Variants in IPO9 observed in about 807,000 individuals in gnomAD.
IPO9 encodes the protein importin-9.
Under a neutral mutation model 128.6 loss-of-function variants are expected in IPO9, and 28 were observed. The ratio of observed to expected loss-of-function variants is 0.22; its 90% CI spans 0.16 to 0.30. The LOEUF is 0.30. Among genes scored for constraint, IPO9 ranks in the 10% least tolerant of loss-of-function variants. IPO9 has a pLI of 1.00. For synonymous variants in IPO9, 455 were observed against 475.8 expected, an observed-to-expected ratio of 0.96 and a Z score of 0.57; for missense variants, 935 against 1,293.9, an observed-to-expected ratio of 0.72 and a Z score of 4.26.
intron 1 of IPO9, among the ~76,000 whole-genome samples, chr1:201,837,504 C>T (rs912642564): frequency 2.0e-5 from 3 of 152,072 alleles, no homozygotes; most frequent in Non-Finnish European, 4.4e-5. Context: ...AGCTGTGAGC[C>T]TCAGTATTAC....
intron 10 of IPO9, among the ~76,000 whole-genome samples, chr1:201,856,637 G>T (rs987589966): frequency 2.0e-5 from 3 of 152,000 alleles, no homozygotes; most frequent in African/African-American, 4.8e-5. Flanking sequence ...AAAAAGAAAA[G>T]ATTTTTTTAA....
At chr1:201,873,414 C>T (rs1279536938) in intron 20 of IPO9, among the ~76,000 whole-genome samples, 1 of 128,496 alleles carries the variant, frequency 7.8e-6, no homozygotes, top group Non-Finnish European at 1.6e-5. Context: ...CACTGCATTC[C>T]AGCCTGGACA....
In IPO9 at chr1:201,876,382, T is replaced by G; in HGVS notation, c.*328T>G. 2.3e-6 allele frequency: 1 copy of G among 430,588 alleles called. No individual in the cohort carries two copies. The highest frequency in any genetic ancestry group is 2.1e-5 in the South Asian group (1 of 47,826). The allele number at this position is 430,588 out of a possible 1,614,324, so 26.7% of individuals were successfully genotyped here. A position where few individuals can be genotyped will look rare whatever the true frequency, so the allele number is the denominator to read the frequency against. On this transcript the variant is annotated 3_prime_UTR_variant, in exon 24 of 24. Transcript: ENST00000361565. ...ATTATTGCCCAGAAGGATTATGTGT[T>G]TATGGATTATTTTGCCCCGCCTCAG... is the stretch of plus-strand genomic sequence containing the variant.
chr1:201,851,570 C>G (rs1680219485), intron 4 of IPO9, among the ~76,000 whole-genome samples: 1 of 151,556 alleles, frequency 6.6e-6, no homozygotes, highest in African/African-American at 2.4e-5. Context: ...ATAGAAAATT[C>G]CCATTTGTTC....
intron 20 of IPO9, among the ~76,000 whole-genome samples, chr1:201,873,572 A>G (rs1571557709): frequency 6.9e-6 from 1 of 145,280 alleles, no homozygotes; most frequent in Non-Finnish European, 1.5e-5. Context: ...ACATAGAGAA[A>G]CCCCGTCTCT....
chr1:201,840,576 A>G (rs1002719943), intron 1 of IPO9, among the ~76,000 whole-genome samples: 2 of 152,194 alleles, frequency 1.3e-5, no homozygotes, highest in African/African-American at 2.4e-5. Context: ...TCAAAAATAC[A>G]TATTCACAAT....
chr1:201,858,893 C>T lies in IPO9; in HGVS notation c.1367C>T (p.Ser456Leu), dbSNP rs1318362947. The T allele has an allele frequency of 2.5e-6, 4 of 1,611,354 alleles. No homozygotes were observed. Among genetic ancestry groups the T allele is most frequent in the Non-Finnish European group, 8.5e-7 (1 of 1,177,906 alleles). Residue 456 changes from serine (S) to leucine (L), a missense_variant, in exon 13 of 24, where the codon TCA (serine) becomes TTA (leucine). Ser to Leu is a moderately radical substitution (Grantham distance 145). Coordinates refer to ENST00000361565, the MANE Select transcript of IPO9 (RefSeq NM_018085.5). ...IHEACMLALG[S>L]VKAIITDSVK... Reference sequence around the variant, plus strand: ...GAGGCATGCATGCTTGCCCTAGGCTCAGTGAAGGCCATCATCACTGACAGT... The same window carrying T: ...GAGGCATGCATGCTTGCCCTAGGCTTAGTGAAGGCCATCATCACTGACAGT...
At chr1:201,855,319 A>G in intron 9 of IPO9, 137 bp downstream of exon 9, 1 of 588,786 alleles carries the variant, frequency 1.7e-6, no homozygotes, top group Non-Finnish European at 3.1e-6. Context: ...TTTTCGATGT[A>G]TTCGATGTGG....
chr1:201,855,190 G>C lies in IPO9; in HGVS notation c.970+8G>C. The C allele has an allele frequency of 6.4e-7, 1 of 1,565,854 alleles. No homozygotes were observed. The highest frequency in any genetic ancestry group is 8.8e-7 in the Non-Finnish European group (1 of 1,138,116). On this transcript the variant is annotated splice_region_variant and intron_variant, in intron 9 of 23. Coordinates refer to ENST00000361565, the MANE Select transcript of IPO9 (RefSeq NM_018085.5). ...ATCCTGTGGATTCTGATGGTATGTA[G>C]TTTATTTGATCTTTATAGAAATACC...
chr1:201,867,489 A>C (rs1680574832), intron 15 of IPO9, among the ~76,000 whole-genome samples: 1 of 152,162 alleles, frequency 6.6e-6, no homozygotes, highest in Non-Finnish European at 1.5e-5. Flanking sequence ...ATCTGAAACC[A>C]TGGGAAAGAG....
rs71141418 is a variant in IPO9, at chr1:201,834,207, C to CTT, written c.163+4846_163+4847dup. 1.5e-3 allele frequency among the ~76,000 whole-genome samples: 164 copies of CTT among 111,298 alleles called. 1 individual carries two copies. In the South Asian group the frequency reaches 0.02, roughly 14 times the overall value. 73.0% of individuals were successfully genotyped at this position (111,298 alleles called of 152,430 possible). A position where few individuals can be genotyped will look rare whatever the true frequency, so the allele number is the denominator to read the frequency against. ...GTTAGAGTAAAAAAACTTTTCTTTT[C>CTT]TTTTTTTTTTTTGTTGCACTGCTAA... On this transcript the variant is annotated intron_variant, in intron 1 of 23. Transcript: ENST00000361565.
At chr1:201,842,236 T>A (rs974176932) in intron 1 of IPO9, among the ~76,000 whole-genome samples, 1 of 152,190 alleles carries the variant, frequency 6.6e-6, no homozygotes, top group African/African-American at 2.4e-5. Flanking sequence ...AGGGAAATGC[T>A]TTTACAGATT....
chr1:201,867,040 G>GGTCT, intron 15 of IPO9, 81 bp downstream of exon 15: 1 of 1,184,998 alleles, frequency 8.4e-7, no homozygotes, highest in Non-Finnish European at 1.3e-6. Flanking sequence ...AGATTCCCTA[G>GGTCT]GTCTGGTCTT....
At chr1:201,868,279 T>G (rs1345930921) in intron 15 of IPO9, among the ~76,000 whole-genome samples, 3 of 151,958 alleles carry the variant, frequency 2.0e-5, no homozygotes, top group Non-Finnish European at 4.4e-5. Flanking sequence ...TTTTGCAGCT[T>G]TCATGTCTTC....
rs1024642527 is a variant in IPO9 at position 201,880,794 on chromosome 1, C to T, written c.*4740C>T. 3.3e-5 allele frequency: 5 copies of T among 152,172 alleles called. No individual in the cohort carries two copies. The highest frequency in any genetic ancestry group is 9.7e-5 in the African/African-American group (4 of 41,440). The allele number at this position is 152,172 out of a possible 1,614,324, so 9.4% of individuals were successfully genotyped here. On this transcript the variant is annotated 3_prime_UTR_variant, in exon 24 of 24. Coordinates refer to ENST00000361565, the MANE Select transcript of IPO9 (RefSeq NM_018085.5). Reference sequence around the variant, plus strand: ...TTTCAACTTTAGGATTGTGCAAAAGCTATACACATTCGGTAGAAACAGTAC... The same window carrying T: ...TTTCAACTTTAGGATTGTGCAAAAGTTATACACATTCGGTAGAAACAGTAC...
At position 201,878,639 on chromosome 1, in the gene IPO9, G is replaced by C. The variant is rs1197413854; in HGVS notation, c.*2585G>C. ...ACTCGGCTGTGGGTGAGAGCAGAAG[G>C]TCTTGGACCCCTCGATGTGCAGGTA... On this transcript the variant is annotated 3_prime_UTR_variant, in exon 24 of 24. Coordinates refer to ENST00000361565, the MANE Select transcript of IPO9 (RefSeq NM_018085.5). 1 of 152,534 alleles carries C rather than the reference G, an allele frequency of 6.6e-6. No individual in the cohort carries two copies. Among genetic ancestry groups the C allele is most frequent in the Non-Finnish European group, 1.5e-5 (1 of 68,064 alleles). The allele number at this position is 152,534 out of a possible 1,614,324, so 9.4% of individuals were successfully genotyped here.
rs1273013573 is a variant in IPO9 at position 201,878,591 on chromosome 1, AGGG to A, written c.*2538_*2540del. 1 of 152,638 alleles carries A rather than the reference AGGG, an allele frequency of 6.6e-6. No individual in the cohort carries two copies. Among genetic ancestry groups the A allele is most frequent in the Non-Finnish European group, 1.5e-5 (1 of 68,056 alleles). The allele number at this position is 152,638 out of a possible 1,614,324, so 9.5% of individuals were successfully genotyped here. A position where few individuals can be genotyped will look rare whatever the true frequency, so the allele number is the denominator to read the frequency against. On this transcript the variant is annotated 3_prime_UTR_variant, in exon 24 of 24. Transcript: ENST00000361565. Reference sequence around the variant, plus strand: ...GAGGAAAGGGCCCTAGTAACACTTAAGGGCTACCCCTGGCTAACAGATACTCGG... The same window carrying A: ...GAGGAAAGGGCCCTAGTAACACTTAACTACCCCTGGCTAACAGATACTCGG...
intron 1 of IPO9, among the ~76,000 whole-genome samples, chr1:201,839,418 T>C (rs1263578421): frequency 6.6e-6 from 1 of 151,752 alleles, no homozygotes; most frequent in Non-Finnish European, 1.5e-5. Context: ...GGTTTCACCA[T>C]GTTGCCCAGG....
chr1:201,865,410 G>A (rs1370229250), intron 14 of IPO9, among the ~76,000 whole-genome samples: 1 of 151,930 alleles, frequency 6.6e-6, no homozygotes, highest in Non-Finnish European at 1.5e-5. Context: ...GTTTTTCCAT[G>A]TTGGTCAGGC....
Sources: gnomAD v4.1 joint callset for allele counts (sites outside exome capture counted in the v4.1 genomes callset) on GRCh38, gnomAD v4.1.1 for gene constraint, MANE v1.5 for transcripts, NCBI Gene and HGNC (gene_info 2026-07-23, HGNC 2026-07-21) for gene names.